The following RPL13 variants were observed in gnomAD, a reference collection of about 807,000 sequenced individuals.
The protein encoded by RPL13 is ribosomal protein L13.
Under a neutral mutation model 21.4 loss-of-function variants are expected in RPL13, and 1 was observed. The ratio of observed to expected loss-of-function variants is 0.05; its 90% CI spans 0.02 to 0.22. RPL13 has a LOEUF of 0.22. Among genes scored for constraint, RPL13 ranks in the 10% least tolerant of loss-of-function variants. RPL13 has a pLI of 1.00. For missense variants in RPL13, 289 were observed against 303.0 expected, an observed-to-expected ratio of 0.95 and a Z score of 0.34; for synonymous variants, 143 against 120.5, an observed-to-expected ratio of 1.19 and a Z score of -1.23.
At chr16:89,566,583 G>A (rs1016923204), downstream of RPL13, 5 of 152,044 alleles carry the variant, frequency 3.3e-5, no homozygotes, top group Admixed American at 6.5e-5. Flanking sequence ...AGGATGGCAT[G>A]AGCCCAGGAG....
rs1222022017 is a variant in RPL13, at chr16:89,561,050, C to G, written c.91C>G (p.Arg31Gly). Residue 31 changes from arginine to glycine, a missense_variant, in exon 2 of 6, where the codon CGT becomes GGT. By Grantham distance (125) the Arg-to-Gly change is moderately radical. Transcript: ENST00000311528. ...GGCCACGTGGTTCAACCAGCCGGCC[C>G]GTAAGATCCGCAGGTGAGCCCTGCG... Reference protein sequence around the residue: ...RVATWFNQPARKIRRRKARQA... With the variant: ...RVATWFNQPAGKIRRRKARQA... The G allele has an allele frequency of 6.2e-7, 1 of 1,606,682 alleles. No homozygotes were observed. Among genetic ancestry groups the G allele is most frequent in the Non-Finnish European group, 8.5e-7 (1 of 1,178,000 alleles).
chr16:89,565,494 T>C (rs1489024927), downstream of RPL13: 2 of 152,264 alleles, frequency 1.3e-5, no homozygotes, highest in Non-Finnish European at 2.9e-5. Context: ...CGGGCCTGTC[T>C]GCTCCAAGAA....
In RPL13 at chr16:89,561,745, C is replaced by G. The variant is rs764707113; in HGVS notation, c.414C>G (p.Asp138Glu). 3 of 1,613,270 alleles carry G rather than the reference C, an allele frequency of 1.9e-6. No individual in the cohort carries two copies. In the African/African-American group the frequency reaches 4.0e-5, roughly 22 times the overall value. ...AGCCCTCGGCCCCCAAGAAGGGAGA[C>G]AGTTCTGTGAGTACACGGCTCTCTG... ...PRKPSAPKKG[D>E]SSAEELKLAT... Residue 138 changes from aspartate (D) to glutamate (E), a missense_variant, in exon 4 of 6, where the codon GAC becomes GAG. Transcript: ENST00000311528.
intron 3 of RPL13, 87 bp from the exon 4 acceptor site, chr16:89,561,491 T>G: frequency 6.2e-7 from 1 of 1,612,262 alleles, no homozygotes; most frequent in Admixed American, 1.7e-5. Context: ...TGAACCCTTT[T>G]CCATCTGATT....
intron 2 of RPL13, 57 bp from the exon 3 acceptor site, chr16:89,561,170 A>C (rs548579412): frequency 1.3e-6 from 2 of 1,511,852 alleles, no homozygotes; most frequent in Admixed American, 2.1e-5. Flanking sequence ...ACCGTCGCGG[A>C]GCGCTGGCCT....
downstream of RPL13, chr16:89,565,060 T>G (rs1342447647): frequency 6.6e-6 from 1 of 152,052 alleles, no homozygotes; most frequent in African/African-American, 2.4e-5. Flanking sequence ...TAGTCTGCAC[T>G]GAACCTGCCA....
At chr16:89,565,294 T>TGGGCTGGGCC (rs1284603715), downstream of RPL13, 2 of 134,900 alleles carry the variant, frequency 1.5e-5, no homozygotes, top group African/African-American at 5.6e-5. Context: ...TGGGCTGGGC[T>TGGGCTGGGCC]GGGCTGGGCT....
At chr16:89,565,687 T>C (rs568473600), downstream of RPL13, 148 of 129,108 alleles carry the variant, frequency 1.1e-3, 2 homozygotes, top group East Asian at 2.0e-3. Flanking sequence ...TTTTCAGTTG[T>C]GATGTGTGGG....
chr16:89,565,658 G>C (rs551297454), downstream of RPL13: 1 of 110,848 alleles, frequency 9.0e-6, no homozygotes, highest in South Asian at 2.7e-4. Context: ...GAGTGGGGCC[G>C]TCCTGACTAG....
Position 89,561,652 on chromosome 16 carries a change from G to A in RPL13, c.321G>A (p.Thr107=), listed in dbSNP as rs1314671277. ...SVDPRRRNKS[T]ESLQANVQRL... is the part of the protein sequence containing the mutation. ...ATCCGAGGAGGCGGAACAAGTCCAC[G>A]GAGTCCCTGCAGGCCAACGTGCAGC... The change falls in exon 4 of 6, where the codon ACG becomes ACA. Residue 107 remains threonine, a synonymous_variant. Coordinates refer to ENST00000311528, the MANE Select transcript of RPL13 (RefSeq NM_000977.4). 6.2e-7 allele frequency: 1 copy of A among 1,613,740 alleles called. No homozygotes were observed. The highest frequency in any genetic ancestry group is 1.7e-5 in the Admixed American group (1 of 60,012).
In RPL13 at chr16:89,563,161, G is replaced by T. The variant is rs1597676804; in HGVS notation, c.*119G>T. The T allele has an allele frequency of 1.0e-6, 1 of 994,332 alleles. No homozygotes were observed. Among genetic ancestry groups the T allele is most frequent in the East Asian group, 3.2e-5 (1 of 31,462 alleles). 61.6% of individuals were successfully genotyped at this position (994,332 alleles called of 1,614,324 possible). On this transcript the variant is annotated 3_prime_UTR_variant, in exon 6 of 6. Transcript: ENST00000311528. ...CTGCTGTGACTTCCTCCTGCCAGGG[G>T]ATTTGGGGCTTTCTTGAAAGACAGT...
rs2058759281 is a variant in RPL13 at position 89,563,213 on chromosome 16, C to A, written c.*171C>A. The A allele has an allele frequency of 3.4e-6, 2 of 584,714 alleles. No individual in the cohort carries two copies. Among genetic ancestry groups the A allele is most frequent in the Non-Finnish European group, 5.3e-6 (2 of 374,234 alleles). 36.2% of individuals were successfully genotyped at this position (584,714 alleles called of 1,614,324 possible). A position where few individuals can be genotyped will look rare whatever the true frequency, so the allele number is the denominator to read the frequency against. ...CAAGCCCTGGATAATGCTTTACTTTCTGTGTTGAAGCACTGTTGGTTGTTT... is the reference window on the plus strand; with the variant it reads ...CAAGCCCTGGATAATGCTTTACTTTATGTGTTGAAGCACTGTTGGTTGTTT... On this transcript the variant is annotated 3_prime_UTR_variant, in exon 6 of 6. Coordinates refer to ENST00000311528, the MANE Select transcript of RPL13 (RefSeq NM_000977.4).
chr16:89,565,578 T>C (rs1342407015), downstream of RPL13: 1 of 152,250 alleles, frequency 6.6e-6, no homozygotes. Flanking sequence ...TCAGCACCTG[T>C]CGGCCCAGGA....
chr16:89,560,952 A>C lies in RPL13; in HGVS notation c.-8A>C. On this transcript the variant is annotated 5_prime_UTR_variant, in exon 2 of 6. Transcript: ENST00000311528. ...CTCTCGTCCGCAGCCGCAGGGCCGT[A>C]GGCAGCCATGGCGCCCAGCCGGAAT... is the stretch of plus-strand genomic sequence containing the variant. 6.2e-7 allele frequency: 1 copy of C among 1,600,568 alleles called. No individual in the cohort carries two copies. Among genetic ancestry groups the C allele is most frequent in the African/African-American group, 1.4e-5 (1 of 73,502 alleles).
chr16:89,562,327 AC>A lies in RPL13; in HGVS notation c.421-6del. ...CAACCCCACTTAACTCTTCTCATTCACCAACAGGCTGAAGAACTGAAACTGG... is the reference window on the plus strand; with the variant it reads ...CAACCCCACTTAACTCTTCTCATTCACAACAGGCTGAAGAACTGAAACTGG... On this transcript the variant is annotated splice_region_variant and splice_polypyrimidine_tract_variant and intron_variant, in intron 4 of 5. Coordinates refer to ENST00000311528, the MANE Select transcript of RPL13 (RefSeq NM_000977.4). 6.2e-7 allele frequency: 1 copy of A among 1,613,160 alleles called. No homozygotes were observed. The highest frequency in any genetic ancestry group is 1.1e-5 in the South Asian group (1 of 90,964).
intron 2 of RPL13, 69 bp downstream of exon 2, chr16:89,561,132 G>A (rs1477226552): frequency 1.3e-6 from 2 of 1,530,726 alleles, no homozygotes; most frequent in Non-Finnish European, 8.8e-7. Context: ...GCGGGTGGCC[G>A]ATGCCAGGGC....
Position 89,562,906 on chromosome 16 carries a change from G to A in RPL13, c.500G>A (p.Arg167Gln), listed in dbSNP as rs562937710. The A allele has an allele frequency of 2.8e-4, 445 of 1,583,746 alleles. 2 individuals carry two copies. The South Asian group carries it at 4.6e-3, about 16-fold the overall frequency. The change falls in exon 6 of 6, where the codon CGA becomes CAA. Residue 167 changes from arginine to glutamine, a missense_variant. By Grantham distance (43) the Arg-to-Gln change is conservative (BLOSUM62 1). Coordinates refer to ENST00000311528, the MANE Select transcript of RPL13 (RefSeq NM_000977.4). ...VRNVYKKEKA[R>Q]VITEEEKNFK... Reference sequence around the variant, plus strand: ...TAGGTCTATAAGAAGGAGAAAGCTCGAGTCATCACTGAGGAAGAGAAGAAT... The same window carrying A: ...TAGGTCTATAAGAAGGAGAAAGCTCAAGTCATCACTGAGGAAGAGAAGAAT...
rs1597676091 is a variant in RPL13, at chr16:89,562,560, A to G, written c.477+169A>G. ...TTCTTCTTAGTTTTTACTTCTTGCA[A>G]CCATGAAGCCATACATTGGGAAGTA... On this transcript the variant is annotated intron_variant, in intron 5 of 5. Transcript: ENST00000311528. The G allele has an allele frequency of 3.3e-5, 21 of 636,466 alleles. No homozygotes were observed. The East Asian group carries it at 6.4e-4, about 19-fold the overall frequency. 39.4% of individuals were successfully genotyped at this position (636,466 alleles called of 1,614,324 possible).
chr16:89,563,113 A>C lies in RPL13; in HGVS notation c.*71A>C. 7.3e-7 allele frequency: 1 copy of C among 1,366,692 alleles called. No homozygotes were observed. The highest frequency in any genetic ancestry group is 9.6e-7 in the Non-Finnish European group (1 of 1,045,732). The allele number at this position is 1,366,692 out of a possible 1,614,324, so 84.7% of individuals were successfully genotyped here. A position where few individuals can be genotyped will look rare whatever the true frequency, so the allele number is the denominator to read the frequency against. On this transcript the variant is annotated 3_prime_UTR_variant, in exon 6 of 6. Coordinates refer to ENST00000311528, the MANE Select transcript of RPL13 (RefSeq NM_000977.4). ...CCACGTGGTGTGTTTCGTGGGAACA[A>C]CTGGGCCTGGGATGGGGCTTCACTG...
Sources: gnomAD v4.1 joint callset for allele counts on GRCh38, gnomAD v4.1.1 for gene constraint, MANE v1.5 for transcripts, NCBI Gene and HGNC (gene_info 2026-07-23, HGNC 2026-07-21) for gene names.